The following EFL1 variants were observed in gnomAD, a reference collection of about 807,000 sequenced individuals.
The protein encoded by EFL1 is elongation factor-like GTPase 1.
A neutral mutation model predicts 126.7 loss-of-function variants in EFL1; 76 were observed. The observed-to-expected ratio is 0.60, with a 90% CI of 0.50 to 0.73. The LOEUF is 0.73. Among genes scored for constraint, EFL1 ranks in the 30% least tolerant of loss-of-function variants. The pLI is 0.00. For missense variants in EFL1, 1,128 were observed against 1,343.2 expected (o/e 0.84, Z 2.50); for synonymous variants, 410 against 448.4 (o/e 0.91, Z 1.08).
chr15:82,145,163 C>T (rs983093161), intron 18 of EFL1, among the ~76,000 whole-genome samples: 3 of 151,684 alleles, frequency 2.0e-5, no homozygotes, highest in African/African-American at 7.2e-5. Flanking sequence ...ATTAGCCGGG[C>T]GTGGTGGCAC....
intron 15 of EFL1, among the ~76,000 whole-genome samples, chr15:82,188,581 T>C (rs2074325734): frequency 2.0e-5 from 3 of 152,154 alleles, no homozygotes; most frequent in Admixed American, 2.0e-4. Flanking sequence ...TGTTTTAAGT[T>C]AACTTTTCTT....
intron 2 of EFL1, among the ~76,000 whole-genome samples, chr15:82,261,485 A>ATGC (rs1165217895): frequency 9.9e-5 from 15 of 152,234 alleles, no homozygotes. Context: ...ATATAGAAGA[A>ATGC]TGCTACTCAC....
intron 9 of EFL1, 66 bp from the exon 10 acceptor site, chr15:82,228,393 A>G (rs1433745055): frequency 3.2e-5 from 48 of 1,518,808 alleles, no homozygotes; most frequent in Non-Finnish European, 3.9e-5. Flanking sequence ...AGTGGAACCC[A>G]ACATTATTTG....
chr15:82,240,011 T>C (rs1382606760), intron 6 of EFL1, among the ~76,000 whole-genome samples: 1 of 152,226 alleles, frequency 6.6e-6, no homozygotes, highest in African/African-American at 2.4e-5. Context: ...TCACAATCCC[T>C]AGTGCACAAT....
chr15:82,133,004 GTGGT>G (rs1479618196), intron 19 of EFL1, among the ~76,000 whole-genome samples: 2 of 152,096 alleles, frequency 1.3e-5, no homozygotes, highest in East Asian at 3.9e-4. Flanking sequence ...GGGAGGGAAA[GTGGT>G]TGCCACTCAA....
intron 18 of EFL1, among the ~76,000 whole-genome samples, chr15:82,145,141 T>A (rs888010150): frequency 2.7e-5 from 4 of 150,806 alleles, no homozygotes; most frequent in African/African-American, 9.7e-5. Flanking sequence ...CCATCTCTAC[T>A]AAAAATATAA....
chr15:82,227,541 A>G lies in EFL1; in HGVS notation c.1101T>C (p.Leu367=). 6.2e-7 allele frequency: 1 copy of G among 1,614,038 alleles called. No individual in the cohort carries two copies. The highest frequency in any genetic ancestry group is 1.1e-5 in the South Asian group (1 of 91,082). Residue 367 remains leucine, a synonymous_variant, in exon 11 of 20, where the codon CTT becomes CTC. Coordinates refer to ENST00000268206, the MANE Select transcript of EFL1 (RefSeq NM_024580.6). The stretch of plus-strand genomic sequence containing the variant: ...TCTCCACTCTCTCAGCTGTAATATC[A>G]AGGGGACTAGGAAGTTTCTGACACA... ...AMVCQKLPSP[L]DITAERVERL...
At chr15:82,164,027 A>G in intron 15 of EFL1, 43 bp from the exon 16 acceptor site, 1 of 1,601,826 alleles carries the variant, frequency 6.2e-7, no homozygotes, top group South Asian at 1.1e-5. Context: ...GGGATGATAA[A>G]TTCTGAATTT....
intron 15 of EFL1, among the ~76,000 whole-genome samples, chr15:82,201,355 A>G (rs1297531548): frequency 6.6e-6 from 1 of 152,166 alleles, no homozygotes; most frequent in Non-Finnish European, 1.5e-5. Flanking sequence ...GCTCATCTAC[A>G]AAGGAGAGGG....
At chr15:82,153,618 C>G (rs1280569520) in intron 17 of EFL1, among the ~76,000 whole-genome samples, 24 of 152,070 alleles carry the variant, frequency 1.6e-4, no homozygotes, top group Admixed American at 1.6e-3. Flanking sequence ...AGCTAGGATT[C>G]AAATTTAGGT....
chr15:82,166,168 C>T (rs573934250), intron 15 of EFL1, among the ~76,000 whole-genome samples: 1 of 152,328 alleles, frequency 6.6e-6, no homozygotes, highest in East Asian at 1.9e-4. Flanking sequence ...TTCCTTCCTA[C>T]ACACACAGCA....
intron 11 of EFL1, among the ~76,000 whole-genome samples, chr15:82,226,559 G>T (rs1595995086): frequency 6.6e-6 from 1 of 152,170 alleles, no homozygotes. Context: ...GAATGACTAG[G>T]TGAGCAGGCT....
At chr15:82,241,219 C>T in intron 5 of EFL1, 51 bp downstream of exon 5, 1 of 1,604,282 alleles carries the variant, frequency 6.2e-7, no homozygotes, top group Non-Finnish European at 8.5e-7. Flanking sequence ...TCAGTTCCCC[C>T]TCTTTCCTCA....
At position 82,155,509 on chromosome 15, in the gene EFL1, AAAAT is replaced by A. The variant is rs58757332; in HGVS notation, c.2030+2200_2030+2203del. ...GGGAGTGCCTTTTCTCAAAAAAATA[AAAAT>A]AAATAAATAAATAAACTGTTGCTAT... On this transcript the variant is annotated intron_variant, in intron 17 of 19. Transcript: ENST00000268206. 9.8e-3 allele frequency among the ~76,000 whole-genome samples: 1,489 copies of A among 152,204 alleles called. 25 individuals are homozygous for A. Among genetic ancestry groups the A allele is most frequent in the African/African-American group, 0.034 (1,392 of 41,506 alleles).
intron 16 of EFL1, chr15:82,160,018 C>T (rs1374431410): frequency 6.6e-6 from 1 of 152,312 alleles, no homozygotes; most frequent in Non-Finnish European, 1.5e-5. Context: ...CAAGATGGCT[C>T]CAATCATCCT....
At chr15:82,246,434 T>A (rs573052502) in intron 4 of EFL1, among the ~76,000 whole-genome samples, 43 of 152,158 alleles carry the variant, frequency 2.8e-4, no homozygotes, top group Non-Finnish European at 3.8e-4. Context: ...ACACTGCTAA[T>A]GCATGTCATT....
chr15:82,231,260 A>G lies in EFL1; in HGVS notation c.732-289T>C, dbSNP rs74028514. Among the ~76,000 whole-genome samples, 432 of 152,306 alleles carry G rather than the reference A, an allele frequency of 2.8e-3. 2 individuals are homozygous for G. The highest frequency in any genetic ancestry group is 0.01 in the African/African-American group (418 of 41,572). ...TTCTTAATTTTGCAGGTGTAAAACA[A>G]GATAAAATTAGGGACAAGAAAATGC... On this transcript the variant is annotated intron_variant, in intron 7 of 19. Transcript: ENST00000268206.
intron 12 of EFL1, among the ~76,000 whole-genome samples, chr15:82,220,627 G>A (rs2074701820): frequency 6.6e-6 from 1 of 152,186 alleles, no homozygotes; most frequent in African/African-American, 2.4e-5. Flanking sequence ...GGTTCAAGAG[G>A]AAGGGTTCAA....
At chr15:82,224,494 T>C (rs1224708645) in intron 12 of EFL1, among the ~76,000 whole-genome samples, 3 of 152,200 alleles carry the variant, frequency 2.0e-5, no homozygotes, top group Admixed American at 1.3e-4. Flanking sequence ...TAAGGGTTTT[T>C]GAGCAAGAGA....
Sources: allele counts gnomAD v4.1 joint callset (sites outside exome capture counted in the v4.1 genomes callset), GRCh38; gene constraint gnomAD v4.1.1; transcripts MANE v1.5; gene names NCBI Gene and HGNC (gene_info 2026-07-23, HGNC 2026-07-21).